Variants in ARHGEF26 observed in about 807,000 individuals in gnomAD.
ARHGEF26 encodes Rho guanine nucleotide exchange factor 26, also known as Rho guanine nucleotide exchange factor (GEF) 26.
A neutral mutation model predicts 89.4 loss-of-function variants in ARHGEF26; 59 were observed. The ratio of observed to expected loss-of-function variants is 0.66; its 90% CI spans 0.54 to 0.82. The LOEUF (loss-of-function observed/expected upper bound fraction) is 0.82, where lower values mean the gene tolerates loss of function less well. Among genes scored for constraint, ARHGEF26 ranks in the 40% least tolerant of loss-of-function variants. ARHGEF26 has a pLI of 0.00. For synonymous variants in ARHGEF26, 500 were observed against 428.4 expected, an observed-to-expected ratio of 1.17 and a Z score of -2.06; for missense variants, 1,234 against 1,085.6, an observed-to-expected ratio of 1.14 and a Z score of -1.92.
chr3:154,217,123 A>G (rs1462722334), intron 9 of ARHGEF26, among the ~76,000 whole-genome samples: 14 of 151,968 alleles, frequency 9.2e-5, no homozygotes, highest in Non-Finnish European at 1.6e-4. Flanking sequence ...GACTTCCACA[A>G]TGGTTGAACT....
chr3:154,164,540 GAA>G (rs1463133825), intron 6 of ARHGEF26, among the ~76,000 whole-genome samples: 1 of 152,124 alleles, frequency 6.6e-6, no homozygotes, highest in Non-Finnish European at 1.5e-5. Flanking sequence ...AGGTTCCATA[GAA>G]ATGTCAAGAT....
chr3:154,243,579 A>G (rs1717603734), intron 12 of ARHGEF26, among the ~76,000 whole-genome samples: 2 of 152,168 alleles, frequency 1.3e-5, no homozygotes, highest in South Asian at 2.1e-4. Flanking sequence ...CGTTTCCTCA[A>G]TCAGACATGT....
chr3:154,159,827 CT>C (rs1198327971), intron 6 of ARHGEF26, among the ~76,000 whole-genome samples: 1 of 152,004 alleles, frequency 6.6e-6, no homozygotes, highest in African/African-American at 2.4e-5. Flanking sequence ...CTGACTAATT[CT>C]TAAAGCTAAA....
chr3:154,214,693 C>T (rs1715606408), intron 9 of ARHGEF26, among the ~76,000 whole-genome samples: 1 of 152,110 alleles, frequency 6.6e-6, no homozygotes, highest in Admixed American at 6.6e-5. Flanking sequence ...GATTTGGGAG[C>T]TATGAACACA....
Position 154,138,091 on chromosome 3 carries a change from G to T in ARHGEF26, c.1269+8372G>T, listed in dbSNP as rs376544716. Reference sequence around the variant, plus strand: ...TATAAGTCATTTCATATCTACACATGATCTACAGTGTTATAACTGCATTAA... The same window carrying T: ...TATAAGTCATTTCATATCTACACATTATCTACAGTGTTATAACTGCATTAA... On this transcript the variant is annotated intron_variant, in intron 4 of 14. Coordinates refer to ENST00000465093, the MANE Select transcript of ARHGEF26 (RefSeq NM_015595.4). 4.6e-5 allele frequency among the ~76,000 whole-genome samples: 7 copies of T among 152,194 alleles called. No individual in the cohort carries two copies. In the East Asian group the frequency reaches 7.7e-4, roughly 17 times the overall value.
intron 11 of ARHGEF26, among the ~76,000 whole-genome samples, chr3:154,226,691 AC>A (rs1716514260): frequency 7.2e-6 from 1 of 139,248 alleles, no homozygotes; most frequent in Non-Finnish European, 1.6e-5. Flanking sequence ...ACACACACAC[AC>A]ACACCCCTTC....
chr3:154,130,910 G>A (rs1042681325), intron 4 of ARHGEF26, among the ~76,000 whole-genome samples: 4 of 152,160 alleles, frequency 2.6e-5, no homozygotes, highest in Non-Finnish European at 4.4e-5. Flanking sequence ...AGCCAGGGCC[G>A]TGGGAATATG....
chr3:154,211,881 G>GTA (rs1417321335), intron 9 of ARHGEF26, among the ~76,000 whole-genome samples: 2 of 151,978 alleles, frequency 1.3e-5, no homozygotes, highest in East Asian at 3.9e-4. Context: ...GTGTGTGTGT[G>GTA]TGTGTATTTT....
chr3:154,243,647 T>A (rs1187902349), intron 12 of ARHGEF26, among the ~76,000 whole-genome samples: 2 of 152,146 alleles, frequency 1.3e-5, no homozygotes, highest in African/African-American at 4.8e-5. Flanking sequence ...ATATTTGTAG[T>A]TATTTAATTA....
intron 5 of ARHGEF26, among the ~76,000 whole-genome samples, chr3:154,150,601 A>G (rs1331679879): frequency 6.6e-6 from 1 of 152,210 alleles, no homozygotes; most frequent in Non-Finnish European, 1.5e-5. Flanking sequence ...ACTCTAGTCT[A>G]TGAACACCAC....
At chr3:154,234,910 C>T (rs1034535728) in intron 11 of ARHGEF26, among the ~76,000 whole-genome samples, 32 of 152,210 alleles carry the variant, frequency 2.1e-4, no homozygotes, top group Middle Eastern at 3.4e-3. Flanking sequence ...GGACTACAGG[C>T]GCTCACCACC....
chr3:154,232,120 G>A (rs1716863169), intron 11 of ARHGEF26, among the ~76,000 whole-genome samples: 1 of 152,088 alleles, frequency 6.6e-6, no homozygotes, highest in Non-Finnish European at 1.5e-5. Context: ...GCTTATCCCA[G>A]GGAGAGAGCT....
At chr3:154,142,999 T>A (rs1298564290) in intron 4 of ARHGEF26, among the ~76,000 whole-genome samples, 1 of 152,190 alleles carries the variant, frequency 6.6e-6, no homozygotes, top group East Asian at 1.9e-4. Context: ...TAGTTTCTCT[T>A]TGGGGCAGCA....
At chr3:154,164,224 A>ACAT (rs1378130566) in intron 6 of ARHGEF26, among the ~76,000 whole-genome samples, 1 of 152,036 alleles carries the variant, frequency 6.6e-6, no homozygotes, top group Non-Finnish European at 1.5e-5. Context: ...CTTTATGTAA[A>ACAT]AAAGCTGTGA....
intron 5 of ARHGEF26, among the ~76,000 whole-genome samples, chr3:154,150,259 A>G (rs1719943504): frequency 6.6e-6 from 1 of 151,846 alleles, no homozygotes; most frequent in African/African-American, 2.4e-5. Context: ...ACTGAGAATT[A>G]ACAAATGTAT....
chr3:154,218,171 G>C (rs1244029673), intron 10 of ARHGEF26, among the ~76,000 whole-genome samples: 1 of 151,986 alleles, frequency 6.6e-6, no homozygotes, highest in Non-Finnish European at 1.5e-5. Context: ...CATTATCTAA[G>C]AAGCACTTTT....
Position 154,152,942 on chromosome 3 carries a change from C to T in ARHGEF26, c.1487+10C>T, listed in dbSNP as rs769488012. 28 of 1,551,686 alleles carry T rather than the reference C, an allele frequency of 1.8e-5. No individual in the cohort carries two copies. Among genetic ancestry groups the T allele is most frequent in the Admixed American group, 3.9e-5 (2 of 51,854 alleles). On this transcript the variant is annotated intron_variant, in intron 6 of 14. Transcript: ENST00000465093. ...GTGAGGCAAGCAAAAAGTAAGTGCA[C>T]TGCAGTCTGCCTTTGGTCGTGCCAA...
chr3:154,171,962 A>T (rs192981835), intron 6 of ARHGEF26, among the ~76,000 whole-genome samples: 7 of 152,256 alleles, frequency 4.6e-5, no homozygotes, highest in Non-Finnish European at 1.0e-4. Context: ...GGCAAGCAGG[A>T]TGTAATTTTT....
At chr3:154,167,500 C>T (rs905053274) in intron 6 of ARHGEF26, among the ~76,000 whole-genome samples, 1 of 152,102 alleles carries the variant, frequency 6.6e-6, no homozygotes, top group Non-Finnish European at 1.5e-5. Context: ...ATAATTCAGT[C>T]TAGTCTCTAG....
Sources: gnomAD v4.1 joint callset for allele counts (sites outside exome capture counted in the v4.1 genomes callset) on GRCh38, gnomAD v4.1.1 for gene constraint, MANE v1.5 for transcripts, NCBI Gene and HGNC (gene_info 2026-07-23, HGNC 2026-07-21) for gene names.